Variants in TAFA4 observed in about 807,000 individuals in gnomAD.
TAFA4 encodes chemokine-like protein TAFA-4.
In TAFA4, 20 loss-of-function variants were observed where a neutral mutation model predicts 21.1. That is an observed-to-expected ratio of 0.95 (90% CI 0.67 to 1.38). The LOEUF (loss-of-function observed/expected upper bound fraction) is 1.38, where lower values mean the gene tolerates loss of function less well. TAFA4 is among the 40% of genes most tolerant of loss of function. The pLI is 0.00. For missense variants in TAFA4, 211 were observed against 180.9 expected (o/e 1.17, Z -0.95); for synonymous variants, 71 against 67.4 (o/e 1.05, Z -0.26).
At chr3:68,926,853 G>A (rs1168391556) in intron 1 of TAFA4, among the ~76,000 whole-genome samples, 1 of 152,196 alleles carries the variant, frequency 6.6e-6, no homozygotes, top group East Asian at 1.9e-4. Context: ...GGAGGTTGCA[G>A]TGAGCCAAGA....
At chr3:68,828,687 T>C (rs1704310851) in intron 3 of TAFA4, among the ~76,000 whole-genome samples, 1 of 152,202 alleles carries the variant, frequency 6.6e-6, no homozygotes, top group African/African-American at 2.4e-5. Flanking sequence ...TTGTCTATTA[T>C]TGGTGTACAG....
chr3:68,862,881 A>ACAC (rs71112675), intron 3 of TAFA4, among the ~76,000 whole-genome samples: 1 of 151,364 alleles, frequency 6.6e-6, no homozygotes, highest in East Asian at 1.9e-4. Flanking sequence ...ACACACACAC[A>ACAC]ATCATTTTGC....
At chr3:68,747,687 T>A (rs1329111923) in intron 4 of TAFA4, among the ~76,000 whole-genome samples, 1 of 152,192 alleles carries the variant, frequency 6.6e-6, no homozygotes, top group Admixed American at 6.5e-5. Context: ...GAGCTCACCA[T>A]GAAACCTATG....
chr3:68,860,748 G>A (rs1470776302), intron 3 of TAFA4, among the ~76,000 whole-genome samples: 2 of 151,934 alleles, frequency 1.3e-5, no homozygotes, highest in Non-Finnish European at 2.9e-5. Flanking sequence ...GCATTTCAAA[G>A]CTAAAAATAA....
chr3:68,810,867 C>A (rs116046329), intron 3 of TAFA4, among the ~76,000 whole-genome samples: 2,202 of 152,304 alleles, frequency 0.014, 50 homozygotes, highest in African/African-American at 0.05. Context: ...AACGGACAGA[C>A]TGCAACCTCA....
intron 1 of TAFA4, among the ~76,000 whole-genome samples, chr3:68,891,138 T>C (rs1223163882): frequency 6.6e-6 from 1 of 152,174 alleles, no homozygotes; most frequent in Non-Finnish European, 1.5e-5. Flanking sequence ...TCAGTGAAGA[T>C]ATACCAGAGC....
At chr3:68,848,149 T>G (rs903414597) in intron 3 of TAFA4, among the ~76,000 whole-genome samples, 3 of 152,228 alleles carry the variant, frequency 2.0e-5, no homozygotes, top group African/African-American at 7.2e-5. Flanking sequence ...GAACCAAGCT[T>G]GGAATACAGA....
chr3:68,800,263 G>C (rs1703548058), intron 3 of TAFA4, among the ~76,000 whole-genome samples: 1 of 152,128 alleles, frequency 6.6e-6, no homozygotes, highest in East Asian at 1.9e-4. Context: ...AAAATGTTGG[G>C]AACCACTGCC....
chr3:68,785,562 G>A (rs1368312401), intron 3 of TAFA4, among the ~76,000 whole-genome samples: 1 of 152,192 alleles, frequency 6.6e-6, no homozygotes, highest in Non-Finnish European at 1.5e-5. Context: ...CGCTCCTAAT[G>A]CGGGGCCCAC....
chr3:68,801,943 AT>A (rs5849864), intron 3 of TAFA4, among the ~76,000 whole-genome samples: 3 of 151,414 alleles, frequency 2.0e-5, no homozygotes, highest in Non-Finnish European at 3.0e-5. Flanking sequence ...AATTCGATGT[AT>A]TTTTTTTTCC....
chr3:68,827,427 T>C (rs1704275987), intron 3 of TAFA4, among the ~76,000 whole-genome samples: 1 of 152,170 alleles, frequency 6.6e-6, no homozygotes, highest in Admixed American at 6.6e-5. Context: ...GGTCAAATGG[T>C]ATTTCTGGTT....
At chr3:68,821,637 A>G (rs1462087930) in intron 3 of TAFA4, among the ~76,000 whole-genome samples, 1 of 151,490 alleles carries the variant, frequency 6.6e-6, no homozygotes, top group African/African-American at 2.4e-5. Context: ...TTAAGAGAAA[A>G]CAAGTCCTGA....
At chr3:68,895,093 G>A (rs1159382730) in intron 1 of TAFA4, among the ~76,000 whole-genome samples, 2 of 152,068 alleles carry the variant, frequency 1.3e-5, no homozygotes, top group Non-Finnish European at 2.9e-5. Context: ...TGCCTCCTGG[G>A]TTCAAGCAAT....
chr3:68,794,576 T>C (rs1007963430), intron 3 of TAFA4, among the ~76,000 whole-genome samples: 3 of 152,186 alleles, frequency 2.0e-5, no homozygotes, highest in African/African-American at 7.2e-5. Context: ...TGTGACTCCC[T>C]CTTTTCATCA....
chr3:68,898,325 A>C (rs573934758), intron 1 of TAFA4, among the ~76,000 whole-genome samples: 2 of 152,222 alleles, frequency 1.3e-5, no homozygotes, highest in Admixed American at 6.5e-5. Context: ...AGTCAAGAGA[A>C]GAGAATCAAA....
rs545739019 is a variant in TAFA4, at chr3:68,795,590, G to A, written c.131-42572C>T. On this transcript the variant is annotated intron_variant, in intron 3 of 5. Transcript: ENST00000295569. Reference sequence around the variant, plus strand: ...TATCCTGCTAAACCAAAATTTACAAGGATGTAATGCTTGAGCTACTGTCAT... The same window carrying A: ...TATCCTGCTAAACCAAAATTTACAAAGATGTAATGCTTGAGCTACTGTCAT... Among the ~76,000 whole-genome samples, 27 of 152,228 alleles carry A rather than the reference G, an allele frequency of 1.8e-4. 1 individual carries two copies. Among genetic ancestry groups the A allele is most frequent in the African/African-American group, 5.3e-4 (22 of 41,550 alleles).
At chr3:68,842,959 C>T (rs1575636382) in intron 3 of TAFA4, among the ~76,000 whole-genome samples, 1 of 152,264 alleles carries the variant, frequency 6.6e-6, no homozygotes, top group African/African-American at 2.4e-5. Flanking sequence ...AGTTTGAAGT[C>T]AGGTAGCATG....
rs185799088 is a variant in TAFA4, at chr3:68,805,814, G to A, written c.131-52796C>T. 2.2e-3 allele frequency among the ~76,000 whole-genome samples: 328 copies of A among 152,080 alleles called. 1 individual carries two copies. The highest frequency in any genetic ancestry group is 4.3e-3 in the Admixed American group (66 of 15,274). ...ACTCTGGGGACTGTTGTGGGGTGGG[G>A]GGAGGAGAGGGGGATAGTATTAGGA... On this transcript the variant is annotated intron_variant, in intron 3 of 5. Coordinates refer to ENST00000295569, the MANE Select transcript of TAFA4 (RefSeq NM_182522.5).
chr3:68,824,463 T>G (rs934772169), intron 3 of TAFA4, among the ~76,000 whole-genome samples: 2 of 151,834 alleles, frequency 1.3e-5, no homozygotes, highest in African/African-American at 4.8e-5. Context: ...TCCTCTCTGA[T>G]TCCACCTCTC....
Sources: gnomAD v4.1 joint callset for allele counts (sites outside exome capture counted in the v4.1 genomes callset) on GRCh38, gnomAD v4.1.1 for gene constraint, MANE v1.5 for transcripts, NCBI Gene and HGNC (gene_info 2026-07-23, HGNC 2026-07-21) for gene names.